The following ITGA9 variants were observed in gnomAD, a reference collection of about 807,000 sequenced individuals.
ITGA9 encodes the protein integrin alpha-9.
ITGA9 carries 56 observed loss-of-function variants against 127.8 expected under a neutral mutation model. The ratio of observed to expected loss-of-function variants is 0.44; its 90% confidence interval spans 0.35 to 0.55. The LOEUF is 0.55. Ranked by LOEUF, ITGA9 falls within the 20% of genes least tolerant of loss-of-function variation. ITGA9 has a pLI of 0.00. For synonymous variants in ITGA9, 508 were observed against 514.5 expected (o/e 0.99, Z 0.17); for missense variants, 1,196 against 1,347.1 (o/e 0.89, Z 1.76).
At chr3:37,718,961 T>C (rs7644785) in intron 18 of ITGA9, among the ~76,000 whole-genome samples, 71,491 of 152,052 alleles carry the variant, frequency 0.47, 17,053 homozygotes, top group South Asian at 0.57. Flanking sequence ...CACAGCTGGG[T>C]GTGGCATCTC....
chr3:37,549,688 G>A (rs1301752325), intron 15 of ITGA9, among the ~76,000 whole-genome samples: 1 of 152,152 alleles, frequency 6.6e-6, no homozygotes, highest in East Asian at 1.9e-4. Context: ...CTTGAACTTA[G>A]ATATTCATTA....
intron 15 of ITGA9, among the ~76,000 whole-genome samples, chr3:37,594,945 T>G (rs1328126676): frequency 6.6e-6 from 1 of 152,120 alleles, no homozygotes; most frequent in Non-Finnish European, 1.5e-5. Context: ...CATGTACCAT[T>G]GCACCCAGCT....
At chr3:37,702,897 A>AT (rs1700962872) in intron 18 of ITGA9, among the ~76,000 whole-genome samples, 1 of 152,010 alleles carries the variant, frequency 6.6e-6, no homozygotes, top group Admixed American at 6.5e-5. Context: ...GACCACCTAG[A>AT]AACCAGAGAC....
At chr3:37,565,331 T>C (rs1168921527) in intron 15 of ITGA9, among the ~76,000 whole-genome samples, 2 of 152,186 alleles carry the variant, frequency 1.3e-5, no homozygotes, top group Non-Finnish European at 1.5e-5. Context: ...ATGCCTCCTA[T>C]AGTGTTGTCC....
rs552079613 is a variant in ITGA9, at chr3:37,610,772, C to T, written c.1690-18415C>T. 9.9e-5 allele frequency among the ~76,000 whole-genome samples: 15 copies of T among 152,240 alleles called. No homozygotes were observed. The Middle Eastern group carries it at 0.01, about 104-fold the overall frequency. ...ATCTGCCAGTATTTCCACCCTTTCC[C>T]GCAAAGAGGAGCTCAGTGTCTGTCT... On this transcript the variant is annotated intron_variant, in intron 15 of 27. Transcript: ENST00000264741.
chr3:37,492,968 A>G (rs1698687908), intron 4 of ITGA9, among the ~76,000 whole-genome samples: 1 of 152,136 alleles, frequency 6.6e-6, no homozygotes, highest in African/African-American at 2.4e-5. Flanking sequence ...CACTAGTCTC[A>G]CTCGCAGCCC....
chr3:37,728,637 C>T (rs1182982425), intron 18 of ITGA9, among the ~76,000 whole-genome samples: 1 of 152,086 alleles, frequency 6.6e-6, no homozygotes, highest in African/African-American at 2.4e-5. Flanking sequence ...ACTGTTTTCT[C>T]TTCCTTAGTA....
intron 1 of ITGA9, among the ~76,000 whole-genome samples, chr3:37,458,821 C>G (rs1175412845): frequency 2.6e-5 from 4 of 152,218 alleles, no homozygotes; most frequent in African/African-American, 9.7e-5. Flanking sequence ...TTGCCACCAG[C>G]TGACTCACAA....
At chr3:37,702,643 G>A (rs2125673614) in intron 18 of ITGA9, among the ~76,000 whole-genome samples, 1 of 152,218 alleles carries the variant, frequency 6.6e-6, no homozygotes, top group East Asian at 1.9e-4. Flanking sequence ...CGTCAGGCAG[G>A]AGAGGTGGGG....
chr3:37,653,865 CA>C, intron 17 of ITGA9, 75 bp downstream of exon 17: 1 of 1,029,490 alleles, frequency 9.7e-7, no homozygotes, highest in Non-Finnish European at 1.5e-6. Flanking sequence ...CCTGAATGTG[CA>C]GATTTCCCCA....
At chr3:37,777,955 T>C (rs534869150) in intron 24 of ITGA9, among the ~76,000 whole-genome samples, 2 of 152,318 alleles carry the variant, frequency 1.3e-5, no homozygotes, top group African/African-American at 4.8e-5. Flanking sequence ...CTCACAGAAA[T>C]GTTAAAATAG....
At chr3:37,693,346 T>A (rs1359334872) in intron 18 of ITGA9, among the ~76,000 whole-genome samples, 1 of 152,238 alleles carries the variant, frequency 6.6e-6, no homozygotes, top group African/African-American at 2.4e-5. Context: ...CAAATTAAAC[T>A]GGTCTTCCAA....
intron 27 of ITGA9, among the ~76,000 whole-genome samples, chr3:37,818,012 A>G (rs1405938245): frequency 6.6e-6 from 1 of 151,976 alleles, no homozygotes; most frequent in Non-Finnish European, 1.5e-5. Flanking sequence ...AGACGCTTTA[A>G]ACAGCCTCTC....
At chr3:37,614,448 GCT>G (rs960231653) in intron 15 of ITGA9, among the ~76,000 whole-genome samples, 55 of 152,126 alleles carry the variant, frequency 3.6e-4, no homozygotes, top group Admixed American at 7.2e-4. Flanking sequence ...GGCGATGCGG[GCT>G]CTTTTTTGGT....
At chr3:37,730,765 G>T (rs539011338) in intron 18 of ITGA9, among the ~76,000 whole-genome samples, 1 of 152,212 alleles carries the variant, frequency 6.6e-6, no homozygotes, top group South Asian at 2.1e-4. Flanking sequence ...AGTGTTTGGG[G>T]ACAAGACAGA....
rs536226111 is a variant in ITGA9 at position 37,528,455 on chromosome 3, C to T, written c.1373+2384C>T. 2.0e-5 allele frequency among the ~76,000 whole-genome samples: 3 copies of T among 152,266 alleles called. No individual in the cohort carries two copies. In the East Asian group the frequency reaches 5.8e-4, roughly 29 times the overall value. On this transcript the variant is annotated intron_variant, in intron 13 of 27. Coordinates refer to ENST00000264741, the MANE Select transcript of ITGA9 (RefSeq NM_002207.3). ...TGGGGAGCCCTGCCCTGAATAAGAGCATGGAAGGCCCAAGAAGAGTGGTCG... is the reference window on the plus strand; with the variant it reads ...TGGGGAGCCCTGCCCTGAATAAGAGTATGGAAGGCCCAAGAAGAGTGGTCG...
chr3:37,720,276 G>T (rs1318833662), intron 18 of ITGA9, among the ~76,000 whole-genome samples: 2 of 152,190 alleles, frequency 1.3e-5, no homozygotes, highest in Non-Finnish European at 2.9e-5. Context: ...CAGGATTTTA[G>T]TAAGTACCTG....
At position 37,653,797 on chromosome 3, in the gene ITGA9, C is replaced by G. The variant is rs143960385; in HGVS notation, c.1916+7C>G. 10 of 1,607,780 alleles carry G rather than the reference C, an allele frequency of 6.2e-6. No individual in the cohort carries two copies. The highest frequency in any genetic ancestry group is 8.5e-6 in the Non-Finnish European group (10 of 1,174,296). On this transcript the variant is annotated splice_region_variant and intron_variant, in intron 17 of 27. Coordinates refer to ENST00000264741, the MANE Select transcript of ITGA9 (RefSeq NM_002207.3). ...GTAAACTGCTGCTCTCCAGGTATGT[C>G]GGTGTTTCCTTCAGAGCATTGTTCT...
intron 18 of ITGA9, among the ~76,000 whole-genome samples, chr3:37,685,342 T>A (rs1700772928): frequency 6.6e-6 from 1 of 152,172 alleles, no homozygotes; most frequent in South Asian, 2.1e-4. Flanking sequence ...TGCTGCTTCA[T>A]AGCTTTTAGG....
Sources: allele counts gnomAD v4.1 joint callset (sites outside exome capture counted in the v4.1 genomes callset), GRCh38; gene constraint gnomAD v4.1.1; transcripts MANE v1.5; gene names NCBI Gene and HGNC (gene_info 2026-07-23, HGNC 2026-07-21).